LRP1B: variants seen among roughly 807,000 people sequenced by gnomAD.
LRP1B encodes the protein low-density lipoprotein receptor-related protein 1B.
In LRP1B, 217 loss-of-function variants were observed where a neutral mutation model predicts 556.6. The ratio of observed to expected loss-of-function variants is 0.39; its 90% CI spans 0.35 to 0.44. The LOEUF is 0.44. Among genes scored for constraint, LRP1B ranks in the 20% least tolerant of loss-of-function variants. LRP1B has a pLI of 1.00. For synonymous variants in LRP1B, 2,047 were observed against 1,865.8 expected, an observed-to-expected ratio of 1.10 and a Z score of -2.50; for missense variants, 5,053 against 5,620.8, an observed-to-expected ratio of 0.90 and a Z score of 3.23.
chr2:141,445,804 C>T (rs1483499174), intron 3 of LRP1B, among the ~76,000 whole-genome samples: 1 of 152,102 alleles, frequency 6.6e-6, no homozygotes, highest in African/African-American at 2.4e-5. Flanking sequence ...AATTTCTGTT[C>T]TTTCTCATTT....
rs148069458 is a variant in LRP1B, at chr2:141,599,059, C to G, written c.206-118526G>C. Among the ~76,000 whole-genome samples, 235 of 79,206 alleles carry G rather than the reference C, an allele frequency of 3.0e-3. 9 individuals carry two copies. The highest frequency in any genetic ancestry group is 6.0e-3 in the Middle Eastern group (1 of 168). 52.0% of individuals were successfully genotyped at this position (79,206 alleles called of 152,430 possible). ...TTTTGTTCAACTCCCCCCCGCCCCC[C>G]CCCCCCCCCCCCCCCGCTTTAACTC... On this transcript the variant is annotated intron_variant, in intron 2 of 90. Transcript: ENST00000389484.
chr2:141,561,222 C>T (rs1686137027), intron 2 of LRP1B, among the ~76,000 whole-genome samples: 1 of 151,716 alleles, frequency 6.6e-6, no homozygotes, highest in Non-Finnish European at 1.5e-5. Flanking sequence ...TTTAGATATG[C>T]TATATGCCAT....
At chr2:142,080,098 TAA>T (rs11324880) in intron 1 of LRP1B, among the ~76,000 whole-genome samples, 13 of 149,362 alleles carry the variant, frequency 8.7e-5, no homozygotes, top group Middle Eastern at 3.4e-3. Context: ...TATGAGTGGT[TAA>T]AAAAAAAAAC....
chr2:141,874,742 GA>G (rs998835451), intron 1 of LRP1B, among the ~76,000 whole-genome samples: 1 of 150,942 alleles, frequency 6.6e-6, no homozygotes, highest in Non-Finnish European at 1.5e-5. Flanking sequence ...GTAACTTAAG[GA>G]AAAAAAATAA....
chr2:141,018,069 A>G (rs1293027417), intron 12 of LRP1B, among the ~76,000 whole-genome samples: 2 of 152,022 alleles, frequency 1.3e-5, no homozygotes. Context: ...ATTCTTAAAC[A>G]CACAGAATAG....
At chr2:141,159,178 A>T (rs191699746) in intron 7 of LRP1B, among the ~76,000 whole-genome samples, 1 of 152,282 alleles carries the variant, frequency 6.6e-6, no homozygotes, top group Non-Finnish European at 1.5e-5. Context: ...AAAACAACAT[A>T]TTTCTCACAT....
chr2:141,521,340 T>C (rs1684523048), intron 2 of LRP1B, among the ~76,000 whole-genome samples: 1 of 152,066 alleles, frequency 6.6e-6, no homozygotes, highest in South Asian at 2.1e-4. Flanking sequence ...AATCAATATA[T>C]AAATTACAGT....
intron 59 of LRP1B, among the ~76,000 whole-genome samples, chr2:140,477,648 A>AT (rs1487219955): frequency 7.2e-5 from 11 of 152,298 alleles, no homozygotes; most frequent in African/African-American, 2.6e-4. Flanking sequence ...TAACTTCCAT[A>AT]TAATTGCAAT....
intron 2 of LRP1B, among the ~76,000 whole-genome samples, chr2:141,758,630 G>C (rs1398252551): frequency 6.6e-6 from 1 of 152,004 alleles, no homozygotes; most frequent in Non-Finnish European, 1.5e-5. Context: ...TTGATTGCTT[G>C]TTACAATCTA....
At chr2:140,260,695 C>T (rs1316360770) in intron 86 of LRP1B, among the ~76,000 whole-genome samples, 1 of 151,720 alleles carries the variant, frequency 6.6e-6, no homozygotes, top group Non-Finnish European at 1.5e-5. Flanking sequence ...CCCATTCCCA[C>T]ATTTACTTAA....
intron 7 of LRP1B, among the ~76,000 whole-genome samples, chr2:141,144,124 T>G (rs1188401849): frequency 6.6e-6 from 1 of 152,128 alleles, no homozygotes; most frequent in Admixed American, 6.6e-5. Context: ...AAAAGGAAAT[T>G]TTTGACCTGT....
chr2:140,428,477 C>T (rs112244901), intron 66 of LRP1B, among the ~76,000 whole-genome samples: 4,071 of 152,252 alleles, frequency 0.027, 181 homozygotes, highest in African/African-American at 0.093. Flanking sequence ...CCTCCTAAGC[C>T]GCTTCCCATC....
chr2:140,759,227 A>T (rs1294324579), intron 35 of LRP1B, among the ~76,000 whole-genome samples: 2 of 152,152 alleles, frequency 1.3e-5, no homozygotes, highest in Non-Finnish European at 2.9e-5. Flanking sequence ...TAATATTAGA[A>T]GTTGAATAGT....
chr2:140,811,766 CATCTT>C (rs1323527796), intron 32 of LRP1B, among the ~76,000 whole-genome samples: 1 of 151,926 alleles, frequency 6.6e-6, no homozygotes, highest in Non-Finnish European at 1.5e-5. Context: ...TAAAAAAAGT[CATCTT>C]ATAGACACTA....
At chr2:141,962,729 T>C (rs2105057822) in intron 1 of LRP1B, among the ~76,000 whole-genome samples, 2 of 151,932 alleles carry the variant, frequency 1.3e-5, no homozygotes, top group East Asian at 1.9e-4. Flanking sequence ...AATAACACCA[T>C]ATAAGGTTAA....
At chr2:140,588,000 A>G (rs1049381446) in intron 43 of LRP1B, among the ~76,000 whole-genome samples, 1 of 152,220 alleles carries the variant, frequency 6.6e-6, no homozygotes, top group Non-Finnish European at 1.5e-5. Context: ...AATATCAGAA[A>G]TAAAGAGAAC....
intron 11 of LRP1B, among the ~76,000 whole-genome samples, chr2:141,032,173 TTGTC>T (rs1376261654): frequency 6.6e-6 from 1 of 152,046 alleles, no homozygotes; most frequent in Non-Finnish European, 1.5e-5. Flanking sequence ...TTAACTCACT[TTGTC>T]TATTTATGGG....
rs575096728 is a variant in LRP1B at position 141,990,649 on chromosome 2, T to C, written c.82+139999A>G. Among the ~76,000 whole-genome samples the C allele has an allele frequency of 8.5e-5, 13 of 152,170 alleles. No homozygotes were observed. The East Asian group carries it at 1.9e-3, about 23-fold the overall frequency. ...AACAATGTGGCTGGAGTTACATGTT[T>C]ATGGTTAAGACAACAACTATAATTA... On this transcript the variant is annotated intron_variant, in intron 1 of 90. Coordinates refer to ENST00000389484, the MANE Select transcript of LRP1B (RefSeq NM_018557.3).
chr2:140,751,102 C>G (rs913361737), intron 35 of LRP1B, among the ~76,000 whole-genome samples: 2 of 146,512 alleles, frequency 1.4e-5, no homozygotes, highest in Non-Finnish European at 3.0e-5. Flanking sequence ...AAGCGATTCT[C>G]CTGCCTCAGC....
Sources: allele counts gnomAD v4.1 joint callset (sites outside exome capture counted in the v4.1 genomes callset), GRCh38; gene constraint gnomAD v4.1.1; transcripts MANE v1.5; gene names NCBI Gene and HGNC (gene_info 2026-07-23, HGNC 2026-07-21).